CTNND2: variants seen among roughly 807,000 people sequenced by gnomAD.
CTNND2 encodes catenin delta 2.
A neutral mutation model predicts 144.4 loss-of-function variants in CTNND2; 22 were observed. That is an observed-to-expected ratio of 0.15 (90% confidence interval 0.11 to 0.22). CTNND2 has a LOEUF of 0.22. CTNND2 is among the 10% of genes least tolerant of loss of function. CTNND2 has a pLI of 1.00. For missense variants in CTNND2, 1,353 were observed against 1,618.8 expected, an observed-to-expected ratio of 0.84 and a Z score of 2.82; for synonymous variants, 751 against 695.6, an observed-to-expected ratio of 1.08 and a Z score of -1.25.
intron 1 of CTNND2, among the ~76,000 whole-genome samples, chr5:11,797,130 GC>G (rs1266284377): frequency 6.6e-6 from 1 of 152,136 alleles, no homozygotes; most frequent in Non-Finnish European, 1.5e-5. Context: ...ATTGAGATTG[GC>G]TTTACAAATA....
chr5:11,426,508 G>A (rs1222734286), intron 3 of CTNND2, among the ~76,000 whole-genome samples: 1 of 152,224 alleles, frequency 6.6e-6, no homozygotes, highest in Non-Finnish European at 1.5e-5. Context: ...AGCATGTGCA[G>A]AGTGAAGGAG....
intron 1 of CTNND2, among the ~76,000 whole-genome samples, chr5:11,849,423 G>A (rs577644384): frequency 5.9e-5 from 9 of 152,232 alleles, no homozygotes; most frequent in East Asian, 5.8e-4. Flanking sequence ...ACGTGGGGAC[G>A]GAGCAAACCT....
intron 16 of CTNND2, among the ~76,000 whole-genome samples, chr5:11,043,510 C>T (rs1298197942): frequency 6.6e-6 from 1 of 152,008 alleles, no homozygotes; most frequent in Non-Finnish European, 1.5e-5. Flanking sequence ...ATTGTATGAA[C>T]TGTTCACAAG....
At chr5:11,705,053 G>A (rs1027586369) in intron 2 of CTNND2, among the ~76,000 whole-genome samples, 2 of 151,992 alleles carry the variant, frequency 1.3e-5, no homozygotes, top group Non-Finnish European at 2.9e-5. Flanking sequence ...TAGGGAAACT[G>A]TCTGAAGATA....
At chr5:11,362,251 T>C (rs1756532960) in intron 8 of CTNND2, among the ~76,000 whole-genome samples, 1 of 152,228 alleles carries the variant, frequency 6.6e-6, no homozygotes, top group Admixed American at 6.5e-5. Flanking sequence ...TAATCCTTAC[T>C]TCTTTGTAAT....
intron 2 of CTNND2, among the ~76,000 whole-genome samples, chr5:11,641,669 C>A (rs532568058): frequency 2.5e-5 from 3 of 122,304 alleles, no homozygotes; most frequent in African/African-American, 1.1e-4. Context: ...TATACATATA[C>A]GTGTGTATAT....
At chr5:11,411,699 T>C (rs1412241564) in intron 4 of CTNND2, 47 bp from the exon 5 acceptor site, 6 of 1,132,976 alleles carry the variant, frequency 5.3e-6, no homozygotes, top group Non-Finnish European at 7.9e-6. Context: ...TGGTATATTA[T>C]TCTTAAAGAT....
chr5:11,626,656 CAA>C (rs1781171732), intron 2 of CTNND2, among the ~76,000 whole-genome samples: 1 of 152,130 alleles, frequency 6.6e-6, no homozygotes, highest in African/African-American at 2.4e-5. Context: ...CTTAGAGAAG[CAA>C]AGACAGCAAA....
At chr5:11,402,128 C>A (rs1486705158) in intron 5 of CTNND2, among the ~76,000 whole-genome samples, 8 of 151,938 alleles carry the variant, frequency 5.3e-5, no homozygotes, top group Admixed American at 4.6e-4. Flanking sequence ...TGCAATAAAA[C>A]AACAACAACA....
At chr5:11,555,020 CTTAAGA>C (rs2150090716) in intron 3 of CTNND2, among the ~76,000 whole-genome samples, 2 of 151,750 alleles carry the variant, frequency 1.3e-5, no homozygotes, top group South Asian at 4.2e-4. Flanking sequence ...CATAGAAATA[CTTAAGA>C]TTAATAAGAC....
chr5:11,514,384 G>A (rs1461398281), intron 3 of CTNND2, among the ~76,000 whole-genome samples: 1 of 152,164 alleles, frequency 6.6e-6, no homozygotes, highest in East Asian at 1.9e-4. Context: ...ATTCTGGAAA[G>A]AAGCTAGTTA....
chr5:11,669,944 A>C (rs189256715), intron 2 of CTNND2, among the ~76,000 whole-genome samples: 3 of 152,192 alleles, frequency 2.0e-5, no homozygotes, highest in Admixed American at 1.3e-4. Flanking sequence ...ATTCCAGTAC[A>C]TTATGTCTTT....
intron 2 of CTNND2, among the ~76,000 whole-genome samples, chr5:11,670,695 TA>T (rs1411337984): frequency 6.6e-6 from 1 of 152,172 alleles, no homozygotes; most frequent in Non-Finnish European, 1.5e-5. Context: ...GTCTCCTGAA[TA>T]CAGCACACAG....
intron 3 of CTNND2, among the ~76,000 whole-genome samples, chr5:11,517,869 G>A (rs2150034869): frequency 6.6e-6 from 1 of 152,214 alleles, no homozygotes; most frequent in Non-Finnish European, 1.5e-5. Context: ...CAAAGTTGAA[G>A]TACACGATGC....
At chr5:11,335,158 A>G (rs1416463815) in intron 9 of CTNND2, among the ~76,000 whole-genome samples, 1 of 152,196 alleles carries the variant, frequency 6.6e-6, no homozygotes, top group Admixed American at 6.5e-5. Context: ...TCAGTAATTT[A>G]AGTTACTAGG....
intron 3 of CTNND2, among the ~76,000 whole-genome samples, chr5:11,443,339 TGGGGA>T (rs1764490716): frequency 4.2e-5 from 3 of 72,184 alleles, no homozygotes; most frequent in African/African-American, 6.5e-5. Flanking sequence ...GTGGTGTGTG[TGGGGA>T]GTGTGTGGGA....
intron 7 of CTNND2, among the ~76,000 whole-genome samples, chr5:11,368,866 T>C (rs576285506): frequency 2.0e-5 from 3 of 152,304 alleles, no homozygotes; most frequent in Admixed American, 6.5e-5. Context: ...AATGGTATTG[T>C]TGGAGGGTCA....
chr5:11,465,539 A>G (rs1374728664), intron 3 of CTNND2, among the ~76,000 whole-genome samples: 1 of 152,156 alleles, frequency 6.6e-6, no homozygotes, highest in Non-Finnish European at 1.5e-5. Context: ...CTTTCCTGTC[A>G]CCTTTATTTT....
intron 3 of CTNND2, among the ~76,000 whole-genome samples, chr5:11,436,661 C>T (rs926983378): frequency 5.3e-5 from 8 of 152,216 alleles, no homozygotes; most frequent in South Asian, 2.1e-4. Context: ...CTGTATCTCA[C>T]ATTAGAAGTT....
Sources: allele counts gnomAD v4.1 joint callset (sites outside exome capture counted in the v4.1 genomes callset), GRCh38; gene constraint gnomAD v4.1.1; transcripts MANE v1.5; gene names NCBI Gene and HGNC (gene_info 2026-07-23, HGNC 2026-07-21).